Variants in RCL1 observed in about 807,000 individuals in gnomAD.
The protein encoded by RCL1 is RNA terminal phosphate cyclase like 1.
RCL1 carries 24 observed loss-of-function variants against 42.4 expected under a neutral mutation model. The ratio of observed to expected loss-of-function variants is 0.57; its 90% CI spans 0.41 to 0.80. The LOEUF is 0.80. RCL1 is among the 30% of genes least tolerant of loss of function. The pLI, the probability that RCL1 is intolerant of heterozygous loss-of-function variation, is 0.00. For synonymous variants in RCL1, 228 were observed against 177.3 expected (o/e 1.29, Z -2.27); for missense variants, 578 against 467.9 (o/e 1.24, Z -2.17).
At chr9:4,843,069 C>G (rs1014638794) in intron 6 of RCL1, among the ~76,000 whole-genome samples, 2 of 152,122 alleles carry the variant, frequency 1.3e-5, no homozygotes, top group African/African-American at 4.8e-5. Context: ...ACTCCAAGCC[C>G]CATTTTAAAA....
chr9:4,806,168 T>C (rs1435357664), intron 1 of RCL1, among the ~76,000 whole-genome samples: 1 of 152,008 alleles, frequency 6.6e-6, no homozygotes, highest in African/African-American at 2.4e-5. Context: ...GTGTAGCTGG[T>C]CATGTTGTCT....
At chr9:4,825,024 G>C (rs1006807857) in intron 2 of RCL1, among the ~76,000 whole-genome samples, 2 of 151,922 alleles carry the variant, frequency 1.3e-5, no homozygotes, top group African/African-American at 4.8e-5. Context: ...CGATTCTCCT[G>C]CCTTAGCCTC....
Position 4,834,295 on chromosome 9 carries a change from T to C in RCL1, c.584+30T>C, listed in dbSNP as rs10217603. The C allele has an allele frequency of 7.9e-4, 1,255 of 1,591,100 alleles. 8 individuals carry two copies. In the African/African-American group the frequency reaches 0.015, roughly 19 times the overall value. Reference sequence around the variant, plus strand: ...CCTTTCCATTTATTTGGATTTCTTTTTTTTTTGTTGTTGTTGCCTCACTAA... The same window carrying C: ...CCTTTCCATTTATTTGGATTTCTTTCTTTTTTGTTGTTGTTGCCTCACTAA... On this transcript the variant is annotated intron_variant, in intron 5 of 8. Coordinates refer to ENST00000381750, the MANE Select transcript of RCL1 (RefSeq NM_005772.5).
intron 4 of RCL1, among the ~76,000 whole-genome samples, chr9:4,833,613 G>A (rs1364633560): frequency 6.6e-6 from 1 of 152,150 alleles, no homozygotes; most frequent in Non-Finnish European, 1.5e-5. Flanking sequence ...CTCCCAACCT[G>A]GATGTCCCTG....
chr9:4,824,334 A>G (rs1372199921), intron 2 of RCL1, among the ~76,000 whole-genome samples: 3 of 150,326 alleles, frequency 2.0e-5, no homozygotes, highest in East Asian at 2.0e-4. Flanking sequence ...AATTCAGACC[A>G]TCAGCAACAT....
chr9:4,820,416 T>C (rs1281287533), intron 1 of RCL1, among the ~76,000 whole-genome samples: 1 of 152,216 alleles, frequency 6.6e-6, no homozygotes, highest in Non-Finnish European at 1.5e-5. Flanking sequence ...GAAGTGCTGC[T>C]TCTGAAGCAC....
intron 7 of RCL1, among the ~76,000 whole-genome samples, chr9:4,844,938 A>G (rs1416516520): frequency 6.6e-6 from 1 of 152,230 alleles, no homozygotes; most frequent in Non-Finnish European, 1.5e-5. Flanking sequence ...TGGAACAGTC[A>G]TAAAGGAAAG....
At chr9:4,815,844 C>G (rs1816355879) in intron 1 of RCL1, among the ~76,000 whole-genome samples, 1 of 152,104 alleles carries the variant, frequency 6.6e-6, no homozygotes, top group Non-Finnish European at 1.5e-5. Context: ...CTGTAAGTGT[C>G]TAAGGTATTG....
intron 1 of RCL1, among the ~76,000 whole-genome samples, chr9:4,821,212 C>G (rs905144219): frequency 2.0e-5 from 3 of 152,060 alleles, no homozygotes; most frequent in Non-Finnish European, 4.4e-5. Flanking sequence ...CACTTGAGGC[C>G]AGGAGTTTGA....
At chr9:4,860,050 A>T (rs1587741641) in intron 8 of RCL1, 75 bp from the exon 9 acceptor site, 1 of 1,060,882 alleles carries the variant, frequency 9.4e-7, no homozygotes, top group South Asian at 1.9e-5. Context: ...AAAACCTTGG[A>T]TTCTAGGTGG....
chr9:4,846,350 A>G (rs1356722900), intron 7 of RCL1, among the ~76,000 whole-genome samples: 5 of 152,250 alleles, frequency 3.3e-5, no homozygotes, highest in African/African-American at 9.6e-5. Flanking sequence ...ATAGTAGAAG[A>G]AGGAGATGAA....
chr9:4,817,912 ATTTTTTTTTTTT>A (rs66886360), intron 1 of RCL1, among the ~76,000 whole-genome samples: 2 of 78,356 alleles, frequency 2.6e-5, no homozygotes, highest in East Asian at 4.5e-4. Context: ...CTTTTCTAAG[ATTTTTTTTTTTT>A]TTTTTTTTTT....
chr9:4,839,662 A>G, intron 5 of RCL1: 5 of 985,378 alleles, frequency 5.1e-6, no homozygotes, highest in Non-Finnish European at 6.0e-6. Context: ...GTGTGTATTG[A>G]AAAATCCCTC....
intron 3 of RCL1, among the ~76,000 whole-genome samples, chr9:4,829,979 G>A (rs531004116): frequency 6.6e-6 from 1 of 152,310 alleles, no homozygotes; most frequent in Non-Finnish European, 1.5e-5. Context: ...CATGGTCCAA[G>A]GGACTGAGAA....
At position 4,827,022 on chromosome 9, in the gene RCL1, G is replaced by A. The variant is rs1279688701; in HGVS notation, c.373G>A (p.Val125Ile). The A allele has an allele frequency of 2.5e-6, 4 of 1,614,042 alleles. No homozygotes were observed. In the African/African-American group the frequency reaches 5.3e-5, roughly 22 times the overall value. The change falls in exon 3 of 9, where the codon GTT becomes ATT. Residue 125 changes from valine (V) to isoleucine (I), a missense_variant. Transcript: ENST00000381750. ...IVLRGVTNDQ[V>I]DPSVDVLKAT... Reference sequence around the variant, plus strand: ...TCTACGAGGAGTGACCAATGATCAGGTTGACCCTTCAGTGAGTATTGAGAA... The same window carrying A: ...TCTACGAGGAGTGACCAATGATCAGATTGACCCTTCAGTGAGTATTGAGAA...
intron 4 of RCL1, 91 bp from the exon 5 acceptor site, chr9:4,834,050 C>A: frequency 7.2e-7 from 1 of 1,387,604 alleles, no homozygotes; most frequent in Non-Finnish European, 9.8e-7. Flanking sequence ...TGTAAGGAAG[C>A]ATCTGCTGGT....
At chr9:4,842,383 G>C (rs968223932) in intron 6 of RCL1, among the ~76,000 whole-genome samples, 21 of 151,980 alleles carry the variant, frequency 1.4e-4, no homozygotes, top group Admixed American at 5.9e-4. Flanking sequence ...TACAACCTTT[G>C]ACCTTTATAA....
chr9:4,811,644 G>C (rs551077930), intron 1 of RCL1, among the ~76,000 whole-genome samples: 10 of 152,168 alleles, frequency 6.6e-5, no homozygotes, highest in African/African-American at 2.4e-4. Context: ...ATGTGTTTGT[G>C]AATAGTGGTT....
chr9:4,819,762 G>A (rs1034853150), intron 1 of RCL1, among the ~76,000 whole-genome samples: 16 of 152,272 alleles, frequency 1.1e-4, no homozygotes, highest in East Asian at 7.7e-4. Flanking sequence ...AGCCAAGATC[G>A]CGCCACTGCA....
Sources: allele counts gnomAD v4.1 joint callset (sites outside exome capture counted in the v4.1 genomes callset), GRCh38; gene constraint gnomAD v4.1.1; transcripts MANE v1.5; gene names NCBI Gene and HGNC (gene_info 2026-07-23, HGNC 2026-07-21).